Variants in RNF6 observed in about 807,000 individuals in gnomAD.
RNF6 encodes the protein ring finger protein 6, also known as E3 ubiquitin-protein ligase RNF6.
A neutral mutation model predicts 50.1 loss-of-function variants in RNF6; 21 were observed. The ratio of observed to expected loss-of-function variants is 0.42; its 90% CI spans 0.30 to 0.60. The LOEUF (loss-of-function observed/expected upper bound fraction) is 0.60, where lower values mean the gene tolerates loss of function less well. Ranked by LOEUF, RNF6 falls within the 20% of genes least tolerant of loss-of-function variation. The pLI, the probability that RNF6 is intolerant of heterozygous loss-of-function variation, is 0.20. For synonymous variants in RNF6, 255 were observed against 291.8 expected, an observed-to-expected ratio of 0.87 and a Z score of 1.29; for missense variants, 698 against 838.2, an observed-to-expected ratio of 0.83 and a Z score of 2.07.
intron 3 of RNF6, 141 bp downstream of exon 3, chr13:26,219,316 A>G (rs1870228875): frequency 1.4e-6 from 1 of 701,062 alleles, no homozygotes. Context: ...TATTATACTA[A>G]AAAGTTCTTA....
chr13:26,180,848 C>G (rs747244161), intron 5 of RNF6, among the ~76,000 whole-genome samples: 5 of 152,240 alleles, frequency 3.3e-5, no homozygotes, highest in African/African-American at 4.8e-5. Context: ...CCAATATTCA[C>G]CAATGTGTTG....
chr13:26,175,133 T>G (rs1872888841), intron 5 of RNF6, among the ~76,000 whole-genome samples: 1 of 152,074 alleles, frequency 6.6e-6, no homozygotes, highest in Non-Finnish European at 1.5e-5. Flanking sequence ...CAGGCTGGAG[T>G]GCAATGGCGT....
In RNF6 at chr13:26,136,009, G is replaced by A. The variant is rs148906020; in HGVS notation, n.769-3558C>T. Among the ~76,000 whole-genome samples the A allele has an allele frequency of 3.0e-3, 457 of 152,254 alleles. 2 individuals carry two copies. The highest frequency in any genetic ancestry group is 0.011 in the African/African-American group (440 of 41,564). Reference sequence around the variant, plus strand: ...GGCACTATGTTTCATGTACAGTCTGGAGAATCATGAGCCAAATAAACCTCT... The same window carrying A: ...GGCACTATGTTTCATGTACAGTCTGAAGAATCATGAGCCAAATAAACCTCT... On this transcript the variant is annotated intron_variant and non_coding_transcript_variant, in intron 5 of 5. Coordinates refer to the RNF6 transcript ENST00000468480.
At chr13:26,189,259 C>G (rs1043292635) in intron 5 of RNF6, among the ~76,000 whole-genome samples, 1 of 151,868 alleles carries the variant, frequency 6.6e-6, no homozygotes, top group Non-Finnish European at 1.5e-5. Context: ...ACCCGGGAGG[C>G]GGAGGTTGCA....
chr13:26,218,386 T>C (rs969512643), intron 4 of RNF6, 125 bp downstream of exon 4: 11 of 688,132 alleles, frequency 1.6e-5, no homozygotes, highest in Middle Eastern at 2.5e-4. Flanking sequence ...ATATATATTA[T>C]CTGAATGAGT....
chr13:26,198,932 C>A (rs1162991319), intron 5 of RNF6, among the ~76,000 whole-genome samples: 1 of 151,610 alleles, frequency 6.6e-6, no homozygotes, highest in African/African-American at 2.4e-5. Flanking sequence ...ACAAGATGTA[C>A]AAAACACACT....
chr13:26,204,818 T>G (rs1413348531), intron 5 of RNF6, among the ~76,000 whole-genome samples: 2 of 152,348 alleles, frequency 1.3e-5, no homozygotes, highest in Non-Finnish European at 2.9e-5. Context: ...TTGAGAGGTA[T>G]TCAATTCTAA....
chr13:26,138,724 C>T (rs1870776929), intron 5 of RNF6, among the ~76,000 whole-genome samples: 1 of 152,032 alleles, frequency 6.6e-6, no homozygotes, highest in Non-Finnish European at 1.5e-5. Flanking sequence ...CCCAAGCCAA[C>T]CACTAAGAAA....
chr13:26,222,368 T>G (rs927797755), upstream of RNF6: 4 of 152,326 alleles, frequency 2.6e-5, no homozygotes, highest in Admixed American at 2.6e-4. Context: ...TTCCGCCCTC[T>G]TGCGCCGCCC....
intron 5 of RNF6, among the ~76,000 whole-genome samples, chr13:26,139,875 G>A (rs1566403774): frequency 6.6e-6 from 1 of 151,726 alleles, no homozygotes; most frequent in Non-Finnish European, 1.5e-5. Context: ...GTCTCACTGT[G>A]TCCCCCAGGG....
At chr13:26,169,715 G>C (rs1194411337) in intron 5 of RNF6, among the ~76,000 whole-genome samples, 1 of 152,178 alleles carries the variant, frequency 6.6e-6, no homozygotes, top group Non-Finnish European at 1.5e-5. Context: ...GAGAGGGTAG[G>C]AGTCTGACTT....
intron 2 of RNF6, among the ~76,000 whole-genome samples, chr13:26,220,857 T>C (rs1870409761): frequency 6.6e-6 from 1 of 152,244 alleles, no homozygotes; most frequent in African/African-American, 2.4e-5. Flanking sequence ...CAAGCTGCTT[T>C]AAATATAAGG....
At chr13:26,138,808 A>G (rs76967235) in intron 5 of RNF6, among the ~76,000 whole-genome samples, 2 of 152,338 alleles carry the variant, frequency 1.3e-5, no homozygotes, top group East Asian at 3.9e-4. Flanking sequence ...TTTAGCATAA[A>G]AGAAGGCAGG....
At chr13:26,217,532 G>A (rs1230548787) in intron 4 of RNF6, among the ~76,000 whole-genome samples, 1 of 152,210 alleles carries the variant, frequency 6.6e-6, no homozygotes, top group Non-Finnish European at 1.5e-5. Flanking sequence ...ACGCTAGTGC[G>A]TGGACCTCCT....
rs780645084 is a variant in RNF6, at chr13:26,214,823, T to C, written c.1059A>G (p.Gln353=). The C allele has an allele frequency of 6.2e-7, 1 of 1,614,242 alleles. No individual in the cohort carries two copies. The highest frequency in any genetic ancestry group is 1.1e-5 in the South Asian group (1 of 91,084). ...TACCTCTGCGTTCTCGTTCTCTATC[T>C]TGCTCTAAAAAGACTCGAGTTCTAC... ...RRGRTRVFLE[Q]DRERERRGTA... is the part of the protein sequence containing the mutation. Residue 353 remains glutamine, a synonymous_variant, in exon 5 of 5, where the codon CAA becomes CAG. Coordinates refer to ENST00000381588, the MANE Select transcript of RNF6 (RefSeq NM_005977.4).
intron 5 of RNF6, among the ~76,000 whole-genome samples, chr13:26,196,789 A>G (rs2117930): frequency 0.47 from 70,944 of 151,748 alleles, 19,819 homozygotes; most frequent in East Asian, 0.69. Context: ...GCAAGCCACC[A>G]GAAATGTTAA....
chr13:26,163,804 T>C (rs775693437), intron 5 of RNF6, among the ~76,000 whole-genome samples: 4 of 152,172 alleles, frequency 2.6e-5, no homozygotes, highest in South Asian at 2.1e-4. Flanking sequence ...GGAAAGAAAA[T>C]GGATTTTCTT....
chr13:26,193,870 G>C (rs1396759005), intron 5 of RNF6, among the ~76,000 whole-genome samples: 2 of 152,226 alleles, frequency 1.3e-5, no homozygotes, highest in African/African-American at 4.8e-5. Flanking sequence ...CATGGGCAGA[G>C]AAGAAGGTGA....
intron 5 of RNF6, among the ~76,000 whole-genome samples, chr13:26,138,523 A>G (rs1870766173): frequency 1.3e-5 from 2 of 152,192 alleles, no homozygotes; most frequent in Non-Finnish European, 2.9e-5. Flanking sequence ...AGTCAAATGC[A>G]TAAAGCAATA....
Sources: gnomAD v4.1 joint callset for allele counts (sites outside exome capture counted in the v4.1 genomes callset) on GRCh38, gnomAD v4.1.1 for gene constraint, MANE v1.5 for transcripts, NCBI Gene and HGNC (gene_info 2026-07-23, HGNC 2026-07-21) for gene names.